The following BTBD2 variants were observed in gnomAD, a reference collection of about 807,000 sequenced individuals.
BTBD2 encodes the protein BTB domain containing 2.
BTBD2 carries 15 observed loss-of-function variants against 44.0 expected under a neutral mutation model. The ratio of observed to expected loss-of-function variants is 0.34; its 90% CI spans 0.23 to 0.53. The LOEUF is 0.53. BTBD2 is among the 20% of genes least tolerant of loss of function. The probability of loss-of-function intolerance (pLI) is 0.95; values close to 1 mark genes in which losing one functional copy is unlikely to be tolerated. For missense variants in BTBD2, 657 were observed against 746.4 expected (o/e 0.88, Z 1.39); for synonymous variants, 443 against 335.9 (o/e 1.32, Z -3.49).
chr19:1,990,308 T>A, intron 4 of BTBD2, 107 bp from the exon 5 acceptor site: 1 of 1,309,368 alleles, frequency 7.6e-7, no homozygotes. Context: ...GGCTGGCAAC[T>A]ATGGCCCGTG....
chr19:1,997,883 G>A (rs1020847199), intron 1 of BTBD2, among the ~76,000 whole-genome samples: 11 of 152,104 alleles, frequency 7.2e-5, no homozygotes, highest in African/African-American at 2.7e-4. Context: ...CATTCACACA[G>A]GCGTTCATTC....
rs2016118341 is a variant in BTBD2, at chr19:1,988,051, G to C, written c.989-359C>G. 3 of 239,162 alleles carry C rather than the reference G, an allele frequency of 1.3e-5. No homozygotes were observed. In the South Asian group the frequency reaches 2.2e-4, roughly 17 times the overall value. 14.8% of individuals were successfully genotyped at this position (239,162 alleles called of 1,614,324 possible). On this transcript the variant is annotated intron_variant, in intron 5 of 8. Coordinates refer to ENST00000255608, the MANE Select transcript of BTBD2 (RefSeq NM_017797.4). ...GGGCTCCACTGCCTGTTCTCTCAGG[G>C]CCATTGGCTGGGAGGGGTCACTGTG...
In BTBD2 at chr19:1,988,982, G is replaced by A. The variant is rs1233321201; in HGVS notation, c.988+1022C>T. ...GGCTGGAGTGCAGTGGCGCGATCTC[G>A]GCTCATCACAACCTCCACCTCCTGG... On this transcript the variant is annotated intron_variant, in intron 5 of 8. Transcript: ENST00000255608. 2.6e-5 allele frequency among the ~76,000 whole-genome samples: 4 copies of A among 151,968 alleles called. No homozygotes were observed. In the East Asian group the frequency reaches 5.8e-4, roughly 22 times the overall value.
At position 1,987,536 on chromosome 19, in the gene BTBD2, C is replaced by T; in HGVS notation, c.1145G>A (p.Ser382Asn). The T allele has an allele frequency of 1.9e-6, 3 of 1,607,566 alleles. No homozygotes were observed. The highest frequency in any genetic ancestry group is 1.7e-4 in the Middle Eastern group (1 of 5,982). Residue 382 changes from serine to asparagine, a missense_variant, in exon 6 of 9, where the codon AGT becomes AAT. By Grantham distance (46) the Ser-to-Asn change is conservative. Transcript: ENST00000255608. ...ACTGGTCCCGCTGTAGCCCCAGCGACTCTCCACCTGCTGGAAGCGGTTGAT... is the reference window on the plus strand; with the variant it reads ...ACTGGTCCCGCTGTAGCCCCAGCGATTCTCCACCTGCTGGAAGCGGTTGAT... ...CSINRFQQVE[S>N]RWGYSGTSDR...
At chr19:2,013,636 T>C in intron 1 of BTBD2, 1 of 986,592 alleles carries the variant, frequency 1.0e-6, no homozygotes, top group Non-Finnish European at 1.2e-6. Flanking sequence ...CCCAGGGGTC[T>C]CTGGCTGAGG....
chr19:1,991,226 C>A (rs561896850), intron 3 of BTBD2: 33 of 183,446 alleles, frequency 1.8e-4, no homozygotes, highest in Non-Finnish European at 3.6e-4. Flanking sequence ...CACAACATGC[C>A]CTTGGCCACT....
At chr19:2,005,931 G>GA (rs961212010) in intron 1 of BTBD2, among the ~76,000 whole-genome samples, 1 of 151,654 alleles carries the variant, frequency 6.6e-6, no homozygotes, top group Non-Finnish European at 1.5e-5. Flanking sequence ...CTACTAAACA[G>GA]AAAAAAATCA....
chr19:2,012,720 C>T (rs574800650), intron 1 of BTBD2, among the ~76,000 whole-genome samples: 221 of 152,328 alleles, frequency 1.5e-3, no homozygotes, highest in African/African-American at 4.9e-3. Context: ...CTCCTGAGCC[C>T]CCCGGGGGCA....
intron 1 of BTBD2, chr19:2,003,262 G>T (rs34847357): frequency 6.6e-6 from 1 of 151,022 alleles, no homozygotes; most frequent in Non-Finnish European, 1.5e-5. Flanking sequence ...TCACAAGGTC[G>T]GGAGTTCAAG....
chr19:1,991,298 C>T (rs917483315), intron 3 of BTBD2: 1 of 162,758 alleles, frequency 6.1e-6, no homozygotes, highest in East Asian at 1.8e-4. Flanking sequence ...GACATGACTT[C>T]TGACAGTCAG....
At chr19:1,999,847 A>G (rs2016304684) in intron 1 of BTBD2, among the ~76,000 whole-genome samples, 1 of 151,882 alleles carries the variant, frequency 6.6e-6, no homozygotes, top group African/African-American at 2.4e-5. Context: ...CTGTAATCCC[A>G]GCTACTCAGG....
intron 2 of BTBD2, among the ~76,000 whole-genome samples, chr19:1,993,516 G>A (rs1365284762): frequency 1.3e-5 from 2 of 152,072 alleles, no homozygotes; most frequent in South Asian, 4.2e-4. Context: ...TCCTTCTTGG[G>A]CACCTTTTCC....
chr19:2,000,943 G>A (rs774877827), intron 1 of BTBD2, among the ~76,000 whole-genome samples: 15 of 152,136 alleles, frequency 9.9e-5, no homozygotes, highest in Non-Finnish European at 2.2e-4. Flanking sequence ...GACAAATCCT[G>A]TGTGATCCAC....
At chr19:1,999,788 C>G (rs549378264) in intron 1 of BTBD2, among the ~76,000 whole-genome samples, 1 of 151,936 alleles carries the variant, frequency 6.6e-6, no homozygotes, top group Non-Finnish European at 1.5e-5. Context: ...ATGGTGAAAC[C>G]CCGTCTCTAC....
intron 1 of BTBD2, among the ~76,000 whole-genome samples, chr19:2,001,356 C>T (rs1159507799): frequency 6.6e-6 from 1 of 151,266 alleles, no homozygotes; most frequent in Non-Finnish European, 1.5e-5. Flanking sequence ...ATTAGCCGGG[C>T]GTGGTGGCAC....
At chr19:2,004,464 A>AT (rs2016369158) in intron 1 of BTBD2, among the ~76,000 whole-genome samples, 1 of 151,420 alleles carries the variant, frequency 6.6e-6, no homozygotes, top group Non-Finnish European at 1.5e-5. Flanking sequence ...CGCCCAGCTA[A>AT]TTCTGCATTT....
intron 8 of BTBD2, 21 bp downstream of exon 8, chr19:1,986,809 C>T (rs779407048): frequency 6.3e-7 from 1 of 1,592,428 alleles, no homozygotes. Flanking sequence ...CACGGAGGGA[C>T]CCCTGTCCCC....
rs371639988 is a variant in BTBD2 at position 1,987,029 on chromosome 19, C to T, written c.1270-53G>A. On this transcript the variant is annotated intron_variant, in intron 7 of 8. Coordinates refer to ENST00000255608, the MANE Select transcript of BTBD2 (RefSeq NM_017797.4). ...CAGGCCTGGGGAGGGCCAACGGGGA[C>T]CCCTCGAGGCCCAGCCCACCTGCCC... 252 of 1,594,640 alleles carry T rather than the reference C, an allele frequency of 1.6e-4. 2 individuals are homozygous for T. The African/African-American group carries it at 3.1e-3, about 19-fold the overall frequency.
intron 1 of BTBD2, among the ~76,000 whole-genome samples, chr19:2,007,680 G>C (rs1031683673): frequency 7.2e-5 from 11 of 152,108 alleles, no homozygotes; most frequent in African/African-American, 2.2e-4. Flanking sequence ...ACAAAAATTA[G>C]CCGGGTGTGG....
Sources: allele counts gnomAD v4.1 joint callset (sites outside exome capture counted in the v4.1 genomes callset), GRCh38; gene constraint gnomAD v4.1.1; transcripts MANE v1.5; gene names NCBI Gene and HGNC (gene_info 2026-07-23, HGNC 2026-07-21).